CENPH: variants seen among roughly 807,000 people sequenced by gnomAD.
CENPH encodes CENP-H.
In CENPH, 40 loss-of-function variants were observed where a neutral mutation model predicts 42.9. That is an observed-to-expected ratio of 0.93 (90% CI 0.72 to 1.21). The LOEUF (loss-of-function observed/expected upper bound fraction) is 1.21, where lower values mean the gene tolerates loss of function less well. Among genes scored for constraint, CENPH ranks in the 50% most tolerant of loss-of-function variants. The probability of loss-of-function intolerance (pLI) is 0.00; values close to 1 mark genes in which losing one functional copy is unlikely to be tolerated. For missense variants in CENPH, 302 were observed against 292.9 expected, an observed-to-expected ratio of 1.03 and a Z score of -0.23; for synonymous variants, 88 against 96.5, an observed-to-expected ratio of 0.91 and a Z score of 0.52.
chr5:69,191,818 A>T lies in CENPH; in HGVS notation c.158A>T (p.Gln53Leu). 1 of 1,553,682 alleles carries T rather than the reference A, an allele frequency of 6.4e-7. No homozygotes were observed. ...AGGCTGAGAGCACAGACAAAACAAC[A>T]ACTCTTAGAATATAAATCAATGGTT... ...LLRLRAQTKQ[Q>L]LLEYKSMVDA... The change falls in exon 2 of 9, where the codon CAA becomes CTA. Residue 53 changes from glutamine to leucine, a missense_variant. Gln to Leu is a moderately radical substitution (Grantham distance 113, BLOSUM62 -2). Transcript: ENST00000283006.
Position 69,196,982 on chromosome 5 carries a change from T to C in CENPH, c.315-71T>C, listed in dbSNP as rs111551840. ...TTTGAAGGGAAATCAATCTTTTTCA[T>C]GTTTTGAATTTTTTTAATGTACCAC... On this transcript the variant is annotated intron_variant, in intron 4 of 8. Transcript: ENST00000283006. The C allele has an allele frequency of 2.8e-4, 258 of 933,044 alleles. 5 individuals are homozygous for C. In the Middle Eastern group the frequency reaches 3.5e-3, roughly 13 times the overall value. The allele number at this position is 933,044 out of a possible 1,614,324, so 57.8% of individuals were successfully genotyped here.
At chr5:69,197,248 C>T (rs1473334710) in intron 5 of CENPH, 139 bp downstream of exon 5, 1 of 465,626 alleles carries the variant, frequency 2.1e-6, no homozygotes, top group Non-Finnish European at 3.8e-6. Context: ...TGTAGGTCCT[C>T]CCCAGAATTA....
intron 3 of CENPH, 72 bp from the exon 4 acceptor site, chr5:69,195,645 T>C: frequency 2.3e-6 from 2 of 883,222 alleles, no homozygotes; most frequent in South Asian, 3.0e-5. Context: ...TAAGGGCTTA[T>C]TTTATACATT....
In CENPH at chr5:69,202,575, C is replaced by T. The variant is rs968774951; in HGVS notation, c.435+6C>T. 3.3e-6 allele frequency: 5 copies of T among 1,496,714 alleles called. No individual in the cohort carries two copies. The highest frequency in any genetic ancestry group is 4.6e-6 in the Non-Finnish European group (5 of 1,079,436). The allele number at this position is 1,496,714 out of a possible 1,614,324, so 92.7% of individuals were successfully genotyped here. On this transcript the variant is annotated splice_donor_region_variant and intron_variant, in intron 6 of 8. Coordinates refer to ENST00000283006, the MANE Select transcript of CENPH (RefSeq NM_022909.4). ...TAATAATGAAATCACAGCAGGTAAACTTACACATTAGGCTGATTATGCATT... is the reference window on the plus strand; with the variant it reads ...TAATAATGAAATCACAGCAGGTAAATTTACACATTAGGCTGATTATGCATT...
intron 7 of CENPH, chr5:69,207,780 C>T (rs2112097262): frequency 6.5e-6 from 1 of 152,722 alleles, no homozygotes; most frequent in South Asian, 2.1e-4. Context: ...CACTGCACTC[C>T]AGCCTAGGCA....
At chr5:69,204,330 G>C (rs1580229160) in intron 7 of CENPH, among the ~76,000 whole-genome samples, 1 of 151,622 alleles carries the variant, frequency 6.6e-6, no homozygotes, top group African/African-American at 2.4e-5. Flanking sequence ...ACCCAGGCTG[G>C]AGTGCAGTGG....
At chr5:69,193,701 G>A (rs1376369628) in intron 2 of CENPH, among the ~76,000 whole-genome samples, 24 of 139,378 alleles carry the variant, frequency 1.7e-4, no homozygotes, top group Non-Finnish European at 2.3e-4. Context: ...TTGTTCTGTC[G>A]CCCAGGCTAG....
chr5:69,197,224 AGT>A, intron 5 of CENPH, 115 bp downstream of exon 5: 1 of 557,432 alleles, frequency 1.8e-6, no homozygotes. Flanking sequence ...GAATAAGGAA[AGT>A]GATGAAATTT....
intron 1 of CENPH, 115 bp from the exon 2 acceptor site, chr5:69,191,680 A>G (rs928326050): frequency 1.5e-6 from 1 of 655,652 alleles, no homozygotes; most frequent in South Asian, 1.8e-5. Flanking sequence ...TTAATTATTT[A>G]TATTTATTTT....
chr5:69,198,954 A>C (rs954745600), intron 5 of CENPH, among the ~76,000 whole-genome samples: 2 of 152,140 alleles, frequency 1.3e-5, no homozygotes, highest in African/African-American at 2.4e-5. Context: ...AAAACAAAAA[A>C]AAAAAAGACA....
intron 7 of CENPH, among the ~76,000 whole-genome samples, chr5:69,207,532 G>A (rs2112096997): frequency 6.6e-6 from 1 of 151,524 alleles, no homozygotes; most frequent in African/African-American, 2.4e-5. Flanking sequence ...CCTTGGCCGG[G>A]CGCGGTGGCT....
chr5:69,205,701 T>C (rs1325796535), intron 7 of CENPH, among the ~76,000 whole-genome samples: 3 of 121,984 alleles, frequency 2.5e-5, no homozygotes, highest in Non-Finnish European at 5.0e-5. Context: ...TCTGTAGATA[T>C]CTTTTTTTTT....
intron 5 of CENPH, chr5:69,197,575 T>C (rs1747983106): frequency 6.6e-6 from 1 of 152,064 alleles, no homozygotes; most frequent in Admixed American, 6.6e-5. Flanking sequence ...CACCGCATGT[T>C]CTCACTCATA....
intron 2 of CENPH, among the ~76,000 whole-genome samples, chr5:69,192,239 T>A (rs1429553268): frequency 6.6e-6 from 1 of 152,226 alleles, no homozygotes; most frequent in Non-Finnish European, 1.5e-5. Flanking sequence ...ATGCTAAGTG[T>A]GCTGAAGGAA....
At chr5:69,197,618 C>T (rs1395868796) in intron 5 of CENPH, 1 of 151,700 alleles carries the variant, frequency 6.6e-6, no homozygotes, top group African/African-American at 2.4e-5. Flanking sequence ...AACATGGACA[C>T]AGGAAGGGGA....
Position 69,194,703 on chromosome 5 carries a change from A to G in CENPH, c.239+8A>G. On this transcript the variant is annotated splice_region_variant and intron_variant, in intron 3 of 8. Transcript: ENST00000283006. ...AGAAAAGCAAATCGAAGCGTATGTT[A>G]TATTTAAAAATTTTGTTTATGGTCT... is the stretch of plus-strand genomic sequence containing the variant. The G allele has an allele frequency of 6.5e-7, 1 of 1,548,292 alleles. No homozygotes were observed. Among genetic ancestry groups the G allele is most frequent in the Non-Finnish European group, 8.8e-7 (1 of 1,136,028 alleles).
chr5:69,206,888 G>A (rs1748169277), intron 7 of CENPH, among the ~76,000 whole-genome samples: 1 of 150,654 alleles, frequency 6.6e-6, no homozygotes, highest in Non-Finnish European at 1.5e-5. Flanking sequence ...ATTCCCCCAT[G>A]TTTTTTTAAG....
intron 7 of CENPH, among the ~76,000 whole-genome samples, chr5:69,203,691 C>T (rs1326668838): frequency 6.6e-6 from 1 of 151,794 alleles, no homozygotes; most frequent in African/African-American, 2.4e-5. Context: ...TTAGTAGGGA[C>T]GGGATTTCAC....
intron 5 of CENPH, among the ~76,000 whole-genome samples, chr5:69,199,362 A>G (rs1748018395): frequency 6.6e-6 from 1 of 152,034 alleles, no homozygotes; most frequent in African/African-American, 2.4e-5. Flanking sequence ...TTTTGTAGAG[A>G]TGGGGTTTTG....
Sources: allele counts gnomAD v4.1 joint callset (sites outside exome capture counted in the v4.1 genomes callset), GRCh38; gene constraint gnomAD v4.1.1; transcripts MANE v1.5; gene names NCBI Gene and HGNC (gene_info 2026-07-23, HGNC 2026-07-21).